Variants in FOXF1 observed in about 807,000 individuals in gnomAD.
The protein encoded by FOXF1 is forkhead box protein F1.
FOXF1 carries 9 observed loss-of-function variants against 26.6 expected under a neutral mutation model. The ratio of observed to expected loss-of-function variants is 0.34; its 90% CI spans 0.20 to 0.59. The LOEUF (loss-of-function observed/expected upper bound fraction) is 0.59, where lower values mean the gene tolerates loss of function less well. FOXF1 is among the 20% of genes least tolerant of loss of function. FOXF1 has a pLI of 0.83. For missense variants in FOXF1, 499 were observed against 549.9 expected (o/e 0.91, Z 0.93); for synonymous variants, 330 against 257.7 (o/e 1.28, Z -2.69).
In FOXF1 at chr16:86,510,912, C is replaced by A. The variant is rs1461674593; in HGVS notation, c.343C>A (p.Arg115=). 2.5e-6 allele frequency: 4 copies of A among 1,613,696 alleles called. No homozygotes were observed. In the Admixed American group the frequency reaches 6.7e-5, roughly 27 times the overall value. ...CATCAAGCTACCCAAGGGCCTTGGG[C>A]GGCCCGGCAAGGGCCACTACTGGAC... is the stretch of plus-strand genomic sequence containing the variant. ...CFIKLPKGLG[R]PGKGHYWTID... Residue 115 remains arginine, a synonymous_variant, in exon 1 of 2, where the codon CGG becomes AGG. Transcript: ENST00000262426.
At chr16:86,512,415 A>G (rs1376062913) in intron 1 of FOXF1, among the ~76,000 whole-genome samples, 1 of 152,152 alleles carries the variant, frequency 6.6e-6, no homozygotes, top group Non-Finnish European at 1.5e-5. Flanking sequence ...TGGAGGCCTT[A>G]GGCAGCCTCT....
At chr16:86,512,453 C>G (rs1318635568) in intron 1 of FOXF1, among the ~76,000 whole-genome samples, 1 of 152,232 alleles carries the variant, frequency 6.6e-6, no homozygotes, top group Non-Finnish European at 1.5e-5. Context: ...GCTCCGGGGC[C>G]TGTTCTCTGG....
In FOXF1 at chr16:86,513,166, G is replaced by C; in HGVS notation, c.*81G>C. ...CGGCACAAGAAACTGCTTTCTTCTC[G>C]AGGTATAACCGTCGGCAGAAGAAAA... is the stretch of plus-strand genomic sequence containing the variant. On this transcript the variant is annotated 3_prime_UTR_variant, in exon 2 of 2. Transcript: ENST00000262426. The C allele has an allele frequency of 2.0e-6, 3 of 1,476,712 alleles. No individual in the cohort carries two copies. The highest frequency in any genetic ancestry group is 1.1e-5 in the South Asian group (1 of 87,100). The allele number at this position is 1,476,712 out of a possible 1,614,324, so 91.5% of individuals were successfully genotyped here. A position where few individuals can be genotyped will look rare whatever the true frequency, so the allele number is the denominator to read the frequency against.
In FOXF1 at chr16:86,513,611, AGC is replaced by A. The variant is rs1202835860; in HGVS notation, c.*528_*529del. On this transcript the variant is annotated 3_prime_UTR_variant, in exon 2 of 2. Transcript: ENST00000262426. ...CCCTTTAGAGCCGTCTTTTGCAGGGAGCGGGAAGTGACAAGAGCTCAGATCTC... is the reference window on the plus strand; with the variant it reads ...CCCTTTAGAGCCGTCTTTTGCAGGGAGGGAAGTGACAAGAGCTCAGATCTC... 6.4e-6 allele frequency: 1 copy of A among 156,002 alleles called. No homozygotes were observed. The highest frequency in any genetic ancestry group is 1.9e-4 in the East Asian group (1 of 5,284). The allele number at this position is 156,002 out of a possible 1,614,324, so 9.7% of individuals were successfully genotyped here. A position where few individuals can be genotyped will look rare whatever the true frequency, so the allele number is the denominator to read the frequency against.
intron 1 of FOXF1, 79 bp from the exon 2 acceptor site, chr16:86,512,846 C>G: frequency 1.3e-6 from 2 of 1,562,104 alleles, no homozygotes; most frequent in Admixed American, 1.7e-5. Flanking sequence ...CACGGGAGCA[C>G]TGCTCCTCTG....
chr16:86,511,307 C>A lies in FOXF1; in HGVS notation c.738C>A (p.Ser246=). ...YPHHDSSVPA[S]PLLPTGAGGV... ...ACCACGACAGCTCGGTGCCCGCCTC[C>A]CCGCTGCTGCCCACCGGCGCCGGTG... is the stretch of plus-strand genomic sequence containing the variant. Residue 246 remains serine (S), a synonymous_variant, in exon 1 of 2, where the codon TCC becomes TCA. Transcript: ENST00000262426. 6.6e-7 allele frequency: 1 copy of A among 1,520,704 alleles called. No individual in the cohort carries two copies. Among genetic ancestry groups the A allele is most frequent in the Non-Finnish European group, 8.8e-7 (1 of 1,141,752 alleles). The allele number at this position is 1,520,704 out of a possible 1,614,324, so 94.2% of individuals were successfully genotyped here. A position where few individuals can be genotyped will look rare whatever the true frequency, so the allele number is the denominator to read the frequency against.
At chr16:86,512,903 C>A (rs746857717) in intron 1 of FOXF1, 22 bp from the exon 2 acceptor site, 3 of 1,613,854 alleles carry the variant, frequency 1.9e-6, no homozygotes, top group South Asian at 2.2e-5. Flanking sequence ...CCCCCAACCC[C>A]TCCTGTCGCC....
At position 86,511,350 on chromosome 16, in the gene FOXF1, G is replaced by T. The variant is rs769749299; in HGVS notation, c.781G>T (p.Ala261Ser). ...TGAGGVMEPH[A>S]VYSGSAAAWP... is the part of the protein sequence containing the mutation. ...CGCCGGTGGGGTCATGGAGCCGCACGCCGTCTACTCGGGCTCGGCGGCGGC... is the reference window on the plus strand; with the variant it reads ...CGCCGGTGGGGTCATGGAGCCGCACTCCGTCTACTCGGGCTCGGCGGCGGC... The change falls in exon 1 of 2, where the codon GCC (alanine) becomes TCC (serine). Residue 261 changes from alanine to serine, a missense_variant. This residue lies in a region of FOXF1 where 367 missense variants were observed against 324.8 expected (regional missense o/e 1.13). Coordinates refer to ENST00000262426, the MANE Select transcript of FOXF1 (RefSeq NM_001451.3). The T allele has an allele frequency of 1.3e-6, 2 of 1,551,148 alleles. No individual in the cohort carries two copies. The highest frequency in any genetic ancestry group is 3.8e-5 in the Admixed American group (2 of 53,000).
At chr16:86,512,048 C>T (rs1969574730) in intron 1 of FOXF1, among the ~76,000 whole-genome samples, 1 of 152,220 alleles carries the variant, frequency 6.6e-6, no homozygotes, top group African/African-American at 2.4e-5. Flanking sequence ...TCAGCCCCGG[C>T]CTTTCAGGGG....
rs201468903 is a variant in FOXF1 at position 86,512,894 on chromosome 16, C to T, written c.980-31C>T. 1,936 of 1,613,246 alleles carry T rather than the reference C, an allele frequency of 1.2e-3. 3 individuals are homozygous for T. The highest frequency in any genetic ancestry group is 1.5e-3 in the Non-Finnish European group (1,812 of 1,179,948). ...GCCACCGTGGCTAACTCTTCTGCTC[C>T]CCCAACCCCTCCTGTCGCCTCGCCT... On this transcript the variant is annotated intron_variant, in intron 1 of 1. Coordinates refer to ENST00000262426, the MANE Select transcript of FOXF1 (RefSeq NM_001451.3).
Position 86,511,443 on chromosome 16 carries a change from C to A in FOXF1, c.874C>A (p.Pro292Thr), listed in dbSNP as rs768402429. The A allele has an allele frequency of 6.3e-7, 1 of 1,594,876 alleles. No homozygotes were observed. Among genetic ancestry groups the A allele is most frequent in the East Asian group, 2.2e-5 (1 of 44,688 alleles). Reference sequence around the variant, plus strand: ...TTATATCAAGCAGCAGCCCCTGTCCCCCTGTAACCCCGCGGCCAACCCCCT... The same window carrying A: ...TTATATCAAGCAGCAGCCCCTGTCCACCTGTAACCCCGCGGCCAACCCCCT... ...ASYIKQQPLS[P>T]CNPAANPLSG... The change falls in exon 1 of 2, where the codon CCC (proline) becomes ACC (threonine). Residue 292 changes from proline (P) to threonine (T), a missense_variant. This residue lies in a region of FOXF1 where 367 missense variants were observed against 324.8 expected (regional missense o/e 1.13). Transcript: ENST00000262426.
chr16:86,514,219 A>C lies in FOXF1; in HGVS notation c.*1134A>C, dbSNP rs767809865. 1 of 149,134 alleles carries C rather than the reference A, an allele frequency of 6.7e-6. No individual in the cohort carries two copies. The highest frequency in any genetic ancestry group is 2.0e-4 in the East Asian group (1 of 5,060). The allele number at this position is 149,134 out of a possible 1,614,324, so 9.2% of individuals were successfully genotyped here. On this transcript the variant is annotated 3_prime_UTR_variant, in exon 2 of 2. Coordinates refer to ENST00000262426, the MANE Select transcript of FOXF1 (RefSeq NM_001451.3). ...AACAAATTTCCATATGTTTTATATA[A>C]ATATATATATAATATGAAGGACTAC...
Position 86,510,611 on chromosome 16 carries a change from CGGCGGCGGCGGCGGCGGGGGA to C in FOXF1, c.50_70del (p.Gly17_Gly23del). The C allele has an allele frequency of 7.2e-7, 1 of 1,384,542 alleles. No individual in the cohort carries two copies. The highest frequency in any genetic ancestry group is 9.3e-7 in the Non-Finnish European group (1 of 1,078,014). 85.8% of individuals were successfully genotyped at this position (1,384,542 alleles called of 1,614,324 possible). On this transcript the variant is annotated inframe_deletion, in exon 1 of 2. Coordinates refer to ENST00000262426, the MANE Select transcript of FOXF1 (RefSeq NM_001451.3). ...AGAAGCAGCAGCCACCGCACGGCGGCGGCGGCGGCGGCGGCGGGGGAGGCGGCGCGGCCATGGACCCCGCGT... is the reference window on the plus strand; with the variant it reads ...AGAAGCAGCAGCCACCGCACGGCGGCGGCGGCGCGGCCATGGACCCCGCGT...
intron 1 of FOXF1, among the ~76,000 whole-genome samples, chr16:86,512,029 C>T (rs77694119): frequency 0.043 from 6,482 of 152,316 alleles, 170 homozygotes; most frequent in Middle Eastern, 0.092. Context: ...TGGGCCAGCG[C>T]TCAGAGGCTC....
In FOXF1 at chr16:86,510,535, G is replaced by C. The variant is rs1343496266; in HGVS notation, c.-35G>C. Reference sequence around the variant, plus strand: ...CCCGGCCCGTCCGCGGCGCAGAGCAGCGGCGGCAGCGGCGGCGGCGGCAGC... The same window carrying C: ...CCCGGCCCGTCCGCGGCGCAGAGCACCGGCGGCAGCGGCGGCGGCGGCAGC... On this transcript the variant is annotated 5_prime_UTR_variant, in exon 1 of 2. Coordinates refer to ENST00000262426, the MANE Select transcript of FOXF1 (RefSeq NM_001451.3). The C allele has an allele frequency of 3.9e-6, 5 of 1,290,922 alleles. No individual in the cohort carries two copies. The highest frequency in any genetic ancestry group is 2.9e-4 in the Middle Eastern group (1 of 3,496). The allele number at this position is 1,290,922 out of a possible 1,614,324, so 80.0% of individuals were successfully genotyped here. A position where few individuals can be genotyped will look rare whatever the true frequency, so the allele number is the denominator to read the frequency against.
At position 86,511,542 on chromosome 16, in the gene FOXF1, C is replaced by A. The variant is rs1253513683; in HGVS notation, c.973C>A (p.Leu325Met). ...GAACAGCCACAACGCCCCAGCCGAG[C>A]TGCAAGGTGAGTGGGGAGGCCGAGG... ...HQNSHNAPAE[L>M]QGIPRYHSQS... Residue 325 changes from leucine to methionine, a missense_variant, in exon 1 of 2, where the codon CTG becomes ATG. Physicochemically the swap from Leu to Met is conservative, Grantham distance 15. Around this residue, in one of 5 missense-constraint regions of FOXF1, gnomAD observed 367 missense variants for 324.8 expected, o/e 1.13. Coordinates refer to ENST00000262426, the MANE Select transcript of FOXF1 (RefSeq NM_001451.3). 6.3e-7 allele frequency: 1 copy of A among 1,586,434 alleles called. No individual in the cohort carries two copies. The highest frequency in any genetic ancestry group is 8.5e-7 in the Non-Finnish European group (1 of 1,174,422).
At chr16:86,512,245 T>C (rs949824992) in intron 1 of FOXF1, among the ~76,000 whole-genome samples, 6 of 149,656 alleles carry the variant, frequency 4.0e-5, no homozygotes, top group Middle Eastern at 3.4e-3. Flanking sequence ...ACCCCGAACA[T>C]GCAGAAGCAT....
Position 86,511,143 on chromosome 16 carries a change from C to T in FOXF1, c.574C>T (p.Leu192=), listed in dbSNP as rs1000913775. The T allele has an allele frequency of 3.7e-6, 6 of 1,600,828 alleles. No homozygotes were observed. The East Asian group carries it at 1.3e-4, about 36-fold the overall frequency. The part of the protein sequence containing the change: ...PPNSLALEGG[L]GMMNGHLPGN... Reference sequence around the variant, plus strand: ...CAACAGCCTGGCGCTGGAGGGCGGCCTGGGCATGATGAACGGCCACTTGCC... The same window carrying T: ...CAACAGCCTGGCGCTGGAGGGCGGCTTGGGCATGATGAACGGCCACTTGCC... The change falls in exon 1 of 2, where the codon CTG becomes TTG. Residue 192 remains leucine (L), a synonymous_variant. Transcript: ENST00000262426.
Position 86,511,553 on chromosome 16 carries a change from G to C in FOXF1, c.979+5G>C. 1 of 1,582,854 alleles carries C rather than the reference G, an allele frequency of 6.3e-7. No homozygotes were observed. The highest frequency in any genetic ancestry group is 8.5e-7 in the Non-Finnish European group (1 of 1,172,446). On this transcript the variant is annotated splice_donor_5th_base_variant and intron_variant, in intron 1 of 1. Coordinates refer to ENST00000262426, the MANE Select transcript of FOXF1 (RefSeq NM_001451.3). ...ACGCCCCAGCCGAGCTGCAAGGTGA[G>C]TGGGGAGGCCGAGGGCGCCCTGGTC...
Sources: gnomAD v4.1 joint callset for allele counts (sites outside exome capture counted in the v4.1 genomes callset) on GRCh38, gnomAD v4.1.1 for gene constraint, gnomAD v4.1.1 regional missense constraint, MANE v1.5 for transcripts, NCBI Gene and HGNC (gene_info 2026-07-23, HGNC 2026-07-21) for gene names.